The following GARNL3 variants were observed in gnomAD, a reference collection of about 807,000 sequenced individuals.
The protein encoded by GARNL3 is GTPase activating Rap/RanGAP domain like 3.
A neutral mutation model predicts 125.0 loss-of-function variants in GARNL3; 63 were observed. The observed-to-expected ratio is 0.50, with a 90% CI of 0.41 to 0.62. GARNL3 has a LOEUF of 0.62. Among genes scored for constraint, GARNL3 ranks in the 20% least tolerant of loss-of-function variants. GARNL3 has a pLI of 0.00. For missense variants in GARNL3, 994 were observed against 1,244.0 expected (o/e 0.80, Z 3.02); for synonymous variants, 439 against 457.5 (o/e 0.96, Z 0.52).
chr9:127,286,344 C>G (rs1446913509), intron 1 of GARNL3, among the ~76,000 whole-genome samples: 2 of 152,152 alleles, frequency 1.3e-5, no homozygotes, highest in African/African-American at 4.8e-5. Context: ...ACTAGTAGTT[C>G]TCCTTTAGTC....
At chr9:127,316,866 G>A (rs2065254314) in intron 4 of GARNL3, among the ~76,000 whole-genome samples, 1 of 152,210 alleles carries the variant, frequency 6.6e-6, no homozygotes, top group Non-Finnish European at 1.5e-5. Flanking sequence ...ATTGTTCAGA[G>A]CTTGGACAGA....
In GARNL3 at chr9:127,388,931, A is replaced by T. The variant is rs760997536; in HGVS notation, c.2555A>T (p.Lys852Met). 7 of 1,611,244 alleles carry T rather than the reference A, an allele frequency of 4.3e-6. No homozygotes were observed. Among genetic ancestry groups the T allele is most frequent in the Non-Finnish European group, 8.5e-7 (1 of 1,177,268 alleles). The change falls in exon 26 of 28, where the codon AAG (lysine) becomes ATG (methionine). Residue 852 changes from lysine to methionine, a missense_variant. Lys to Met is a moderately conservative substitution (Grantham distance 95). This residue lies in a region of GARNL3 where 728 missense variants were observed against 865.7 expected (regional missense o/e 0.84). Coordinates refer to ENST00000373387, the MANE Select transcript of GARNL3 (RefSeq NM_032293.5). Reference protein sequence around the residue: ...EGEIQSKNLYKIPLRNLVGRS... With the variant: ...EGEIQSKNLYMIPLRNLVGRS... ...GAAATTCAATCAAAAAATCTGTACAAGATTCCACTTAGAAACCTCGTGGGC... is the reference window on the plus strand; with the variant it reads ...GAAATTCAATCAAAAAATCTGTACATGATTCCACTTAGAAACCTCGTGGGC...
chr9:127,255,262 T>G (rs941038618), intron 2 of GARNL3, among the ~76,000 whole-genome samples: 1 of 152,166 alleles, frequency 6.6e-6, no homozygotes, highest in Non-Finnish European at 1.5e-5. Context: ...AATAGGAGAA[T>G]GGAGGATATT....
chr9:127,252,234 C>T (rs1482574322), intron 2 of GARNL3, among the ~76,000 whole-genome samples: 1 of 152,056 alleles, frequency 6.6e-6, no homozygotes, highest in Non-Finnish European at 1.5e-5. Context: ...ATTTGCAGGC[C>T]TCAGGGAAAG....
At chr9:127,337,691 G>T (rs1006542591) in intron 11 of GARNL3, among the ~76,000 whole-genome samples, 3 of 152,340 alleles carry the variant, frequency 2.0e-5, no homozygotes, top group African/African-American at 7.2e-5. Context: ...GAGAGAAAGG[G>T]AAGGTATACA....
intron 17 of GARNL3, among the ~76,000 whole-genome samples, chr9:127,352,004 C>T (rs1469413877): frequency 1.3e-5 from 2 of 152,228 alleles, no homozygotes; most frequent in Non-Finnish European, 2.9e-5. Context: ...TGCTAATTCA[C>T]TCTGTACACA....
intron 1 of GARNL3, among the ~76,000 whole-genome samples, chr9:127,275,680 C>CT (rs1286988962): frequency 6.6e-6 from 1 of 152,202 alleles, no homozygotes; most frequent in African/African-American, 2.4e-5. Flanking sequence ...TCCAGTGTAG[C>CT]TTGCCGTGAT....
chr9:127,241,172 C>T (rs1263654225), intron 1 of GARNL3, among the ~76,000 whole-genome samples: 1 of 152,224 alleles, frequency 6.6e-6, no homozygotes, highest in Non-Finnish European at 1.5e-5. Flanking sequence ...TGAAGTCTCA[C>T]TGGGTTTCTT....
chr9:127,383,356 G>T, intron 22 of GARNL3, 82 bp from the exon 23 acceptor site: 3 of 810,052 alleles, frequency 3.7e-6, no homozygotes, highest in Non-Finnish European at 6.1e-6. Flanking sequence ...TACTATTCTT[G>T]TTGCCTGTTT....
upstream of GARNL3, among the ~76,000 whole-genome samples, chr9:127,261,660 C>T (rs1269803811): frequency 6.6e-6 from 1 of 152,012 alleles, no homozygotes; most frequent in African/African-American, 2.4e-5. Flanking sequence ...TGATCCGCCC[C>T]CTTCGGCCTC....
At chr9:127,383,655 T>C (rs1832390530) in intron 23 of GARNL3, 110 bp downstream of exon 23, 1 of 651,404 alleles carries the variant, frequency 1.5e-6, no homozygotes, top group Non-Finnish European at 2.7e-6. Flanking sequence ...TTGCTATAAA[T>C]TATACGCGTA....
chr9:127,230,241 A>T (rs2062977934), intron 1 of GARNL3, among the ~76,000 whole-genome samples: 1 of 152,190 alleles, frequency 6.6e-6, no homozygotes, highest in Admixed American at 6.5e-5. Context: ...ACCTTAGTTA[A>T]CTCCTTTATA....
intron 2 of GARNL3, among the ~76,000 whole-genome samples, chr9:127,252,066 T>G (rs1046936381): frequency 3.9e-5 from 6 of 152,252 alleles, no homozygotes; most frequent in Admixed American, 1.3e-4. Context: ...TAGTCATTTC[T>G]CCACAAATTA....
At position 127,344,219 on chromosome 9, in the gene GARNL3, T is replaced by C. The variant is rs374095243; in HGVS notation, c.1252-16T>C. 245 of 1,554,404 alleles carry C rather than the reference T, an allele frequency of 1.6e-4. No individual in the cohort carries two copies. The highest frequency in any genetic ancestry group is 2.1e-4 in the Non-Finnish European group (234 of 1,135,688). On this transcript the variant is annotated splice_polypyrimidine_tract_variant and intron_variant, in intron 14 of 27. Coordinates refer to ENST00000373387, the MANE Select transcript of GARNL3 (RefSeq NM_032293.5). The stretch of plus-strand genomic sequence containing the variant: ...ACAACTGTTTGTGGAATTCATAACT[T>C]GTTTTTCTTTTTTAGAACATGCTTA...
chr9:127,389,898 G>T (rs1832734516), intron 26 of GARNL3, among the ~76,000 whole-genome samples: 1 of 145,180 alleles, frequency 6.9e-6, no homozygotes, highest in African/African-American at 2.6e-5. Flanking sequence ...TCCAGCCTGG[G>T]TGACAGAGTG....
At chr9:127,247,481 G>A (rs1356970458) in intron 2 of GARNL3, among the ~76,000 whole-genome samples, 5 of 152,088 alleles carry the variant, frequency 3.3e-5, no homozygotes, top group Admixed American at 6.6e-5. Context: ...CGTGCTTCTT[G>A]ATGCTTGCCA....
At chr9:127,283,799 TTTGTTG>T (rs565876774) in intron 1 of GARNL3, among the ~76,000 whole-genome samples, 3 of 152,120 alleles carry the variant, frequency 2.0e-5, no homozygotes, top group Non-Finnish European at 2.9e-5. Context: ...CTTAAGTCGT[TTTGTTG>T]TTGTTGTTGT....
intron 6 of GARNL3, among the ~76,000 whole-genome samples, chr9:127,322,439 A>G (rs2065433191): frequency 6.6e-6 from 1 of 152,050 alleles, no homozygotes; most frequent in Non-Finnish European, 1.5e-5. Context: ...CATTCTGCCT[A>G]TTTATATCAC....
intron 16 of GARNL3, among the ~76,000 whole-genome samples, chr9:127,347,783 C>T (rs1027104458): frequency 6.6e-6 from 1 of 152,154 alleles, no homozygotes; most frequent in African/African-American, 2.4e-5. Flanking sequence ...ACTTGTTTAG[C>T]CTTTTTTCCA....
Sources: allele counts gnomAD v4.1 joint callset (sites outside exome capture counted in the v4.1 genomes callset), GRCh38; gene constraint gnomAD v4.1.1; regional missense constraint gnomAD v4.1.1; transcripts MANE v1.5; gene names NCBI Gene and HGNC (gene_info 2026-07-23, HGNC 2026-07-21).